SYN2: variants seen among roughly 807,000 people sequenced by gnomAD.
SYN2 encodes the protein synapsin II.
In SYN2, 19 loss-of-function variants were observed where a neutral mutation model predicts 50.9. The ratio of observed to expected loss-of-function variants is 0.37; its 90% CI spans 0.26 to 0.55. The LOEUF is 0.55. Among genes scored for constraint, SYN2 ranks in the 20% least tolerant of loss-of-function variants. The pLI is 0.81. For missense variants in SYN2, 587 were observed against 576.4 expected, an observed-to-expected ratio of 1.02 and a Z score of -0.19; for synonymous variants, 255 against 224.9, an observed-to-expected ratio of 1.13 and a Z score of -1.20.
At chr3:12,107,721 TAGTG>T (rs1696225725) in intron 1 of SYN2, among the ~76,000 whole-genome samples, 1 of 152,126 alleles carries the variant, frequency 6.6e-6, no homozygotes, top group Non-Finnish European at 1.5e-5. Flanking sequence ...CTGGGCAACA[TAGTG>T]AGATCCCATC....
intron 5 of SYN2, among the ~76,000 whole-genome samples, chr3:12,154,916 T>C (rs1559443614): frequency 6.6e-6 from 1 of 152,364 alleles, no homozygotes; most frequent in South Asian, 2.1e-4. Flanking sequence ...TCCCTTCCCC[T>C]TTCCAGCCCT....
intron 1 of SYN2, among the ~76,000 whole-genome samples, chr3:12,044,094 T>G (rs1391551243): frequency 6.6e-6 from 1 of 151,986 alleles, no homozygotes; most frequent in African/African-American, 2.4e-5. Flanking sequence ...ATTGTTGAAT[T>G]TCTGTTTTCC....
At chr3:12,143,153 C>G (rs1355222211) in intron 3 of SYN2, among the ~76,000 whole-genome samples, 1 of 152,082 alleles carries the variant, frequency 6.6e-6, no homozygotes, top group Non-Finnish European at 1.5e-5. Flanking sequence ...CAGGGGCTGG[C>G]CACAGTGTAC....
chr3:12,028,430 A>C (rs986843151), intron 1 of SYN2, among the ~76,000 whole-genome samples: 1 of 147,468 alleles, frequency 6.8e-6, no homozygotes, highest in African/African-American at 2.5e-5. Context: ...TTCTAGTTCT[A>C]GATCCCTGAG....
At chr3:12,134,224 A>G (rs940708731) in intron 1 of SYN2, among the ~76,000 whole-genome samples, 5 of 152,250 alleles carry the variant, frequency 3.3e-5, no homozygotes, top group African/African-American at 2.4e-5. Context: ...AGTCTCAACA[A>G]CAAAAACAGT....
intron 3 of SYN2, among the ~76,000 whole-genome samples, chr3:12,143,277 A>T (rs1317822472): frequency 6.6e-6 from 1 of 152,160 alleles, no homozygotes; most frequent in Non-Finnish European, 1.5e-5. Context: ...AACAGATGCC[A>T]TATTTCTGTT....
At chr3:12,037,326 A>G (rs1309099856) in intron 1 of SYN2, among the ~76,000 whole-genome samples, 1 of 152,108 alleles carries the variant, frequency 6.6e-6, no homozygotes, top group Non-Finnish European at 1.5e-5. Context: ...TTAAAGCTAC[A>G]TCCACATTTT....
At chr3:12,171,501 A>G (rs1297206598) in intron 10 of SYN2, among the ~76,000 whole-genome samples, 1 of 152,204 alleles carries the variant, frequency 6.6e-6, no homozygotes, top group East Asian at 1.9e-4. Context: ...AGAATTTATG[A>G]CAGGGTAAGA....
At chr3:12,153,399 C>T in intron 5 of SYN2, 1 of 1,223,660 alleles carries the variant, frequency 8.2e-7, no homozygotes, top group South Asian at 1.3e-5. Flanking sequence ...GTCCACTTGG[C>T]ACTTCTTATT....
intron 1 of SYN2, among the ~76,000 whole-genome samples, chr3:12,047,204 G>T (rs1315062601): frequency 6.6e-6 from 1 of 152,150 alleles, no homozygotes; most frequent in Non-Finnish European, 1.5e-5. Flanking sequence ...ATGAGATCTG[G>T]CTCACAGGTG....
At chr3:12,072,403 G>A (rs1375638840) in intron 1 of SYN2, among the ~76,000 whole-genome samples, 5 of 152,022 alleles carry the variant, frequency 3.3e-5, no homozygotes, top group Non-Finnish European at 5.9e-5. Flanking sequence ...TATCTAGTCC[G>A]AAGTCACAAA....
intron 1 of SYN2, among the ~76,000 whole-genome samples, chr3:12,112,037 G>A (rs1236850614): frequency 1.3e-5 from 2 of 152,128 alleles, no homozygotes; most frequent in African/African-American, 4.8e-5. Context: ...GAGACCCCTG[G>A]GTGAATTGGT....
intron 1 of SYN2, among the ~76,000 whole-genome samples, chr3:12,053,233 C>A (rs1694906976): frequency 6.6e-6 from 1 of 151,702 alleles, no homozygotes; most frequent in Non-Finnish European, 1.5e-5. Context: ...CTAGCCTCAC[C>A]AACATGGTGA....
intron 1 of SYN2, among the ~76,000 whole-genome samples, chr3:12,118,389 CCT>C (rs1211148966): frequency 6.6e-6 from 1 of 152,064 alleles, no homozygotes; most frequent in Non-Finnish European, 1.5e-5. Context: ...ATAGCGAGAC[CCT>C]GTCTCTAAAA....
At chr3:12,099,014 G>T (rs191232891) in intron 1 of SYN2, among the ~76,000 whole-genome samples, 1 of 152,066 alleles carries the variant, frequency 6.6e-6, no homozygotes, top group African/African-American at 2.4e-5. Flanking sequence ...TCAAGAAGAT[G>T]TAACAATTAT....
At chr3:12,119,599 C>T in intron 1 of SYN2, among the ~76,000 whole-genome samples, 1 of 152,126 alleles carries the variant, frequency 6.6e-6, no homozygotes, top group East Asian at 1.9e-4. Flanking sequence ...CACATACAGG[C>T]AACTTTTGTT....
intron 12 of SYN2, 55 bp downstream of exon 12, chr3:12,187,667 C>A: frequency 6.7e-7 from 1 of 1,483,580 alleles, no homozygotes. Flanking sequence ...TCCTGTGGGC[C>A]TTGGGCTCCA....
rs562829617 is a variant in SYN2 at position 12,013,079 on chromosome 3, T to C, written c.377+8151T>C. ...ACTGATGTGTTTGACACTGTATATC[T>C]TCCCTTTGGAAGTCGCTTGGCTTCA... On this transcript the variant is annotated intron_variant, in intron 1 of 12. Coordinates refer to ENST00000621198, the MANE Select transcript of SYN2 (RefSeq NM_133625.6). Among the ~76,000 whole-genome samples, 14 of 152,352 alleles carry C rather than the reference T, an allele frequency of 9.2e-5. No homozygotes were observed. In the South Asian group the frequency reaches 2.9e-3, roughly 32 times the overall value.
chr3:12,071,198 C>T, intron 1 of SYN2: 1 of 551,778 alleles, frequency 1.8e-6, no homozygotes, highest in South Asian at 1.4e-5. Flanking sequence ...ACTGCCCTGG[C>T]ACCCAGCACC....
Sources: gnomAD v4.1 joint callset for allele counts (sites outside exome capture counted in the v4.1 genomes callset) on GRCh38, gnomAD v4.1.1 for gene constraint, MANE v1.5 for transcripts, NCBI Gene and HGNC (gene_info 2026-07-23, HGNC 2026-07-21) for gene names.